The following C2orf66 variants were observed in gnomAD, a reference collection of about 807,000 sequenced individuals.
C2orf66 encodes uncharacterized protein C2orf66.
C2orf66 carries 6 observed loss-of-function variants against 7.0 expected under a neutral mutation model. That is an observed-to-expected ratio of 0.86 (90% CI 0.47 to 1.69). C2orf66 has a LOEUF of 1.69. C2orf66 is among the 40% of genes most tolerant of loss of function. The pLI is 0.01. For missense variants in C2orf66, 107 were observed against 112.0 expected (o/e 0.96, Z 0.20); for synonymous variants, 38 against 43.8 (o/e 0.87, Z 0.52).
the C2orf66 span, among the ~76,000 whole-genome samples, chr2:196,819,785 AC>A: frequency 6.6e-6 from 1 of 152,224 alleles, no homozygotes; most frequent in Non-Finnish European, 1.5e-5. Context: ...TTAGATTCTT[AC>A]GATATTTCAG....
the C2orf66 span, among the ~76,000 whole-genome samples, chr2:196,820,601 T>C: frequency 3.9e-5 from 6 of 152,310 alleles, no homozygotes; most frequent in South Asian, 2.1e-4. Context: ...AATTTATACA[T>C]TGGAAGTGGA....
upstream of C2orf66, among the ~76,000 whole-genome samples, chr2:196,812,120 T>C (rs1457347379): frequency 1.3e-5 from 2 of 152,178 alleles, no homozygotes; most frequent in Non-Finnish European, 2.9e-5. Context: ...AAAAGTGTTG[T>C]AGTTGTTAAA....
At chr2:196,821,417 T>C in the C2orf66 span, among the ~76,000 whole-genome samples, 3 of 152,248 alleles carry the variant, frequency 2.0e-5, no homozygotes, top group Non-Finnish European at 2.9e-5. Flanking sequence ...TCACCACAAC[T>C]GCTTTAGGTT....
At chr2:196,821,928 CTTTTTTTTT>C in the C2orf66 span, among the ~76,000 whole-genome samples, 11 of 32,252 alleles carry the variant, frequency 3.4e-4, no homozygotes, top group East Asian at 1.1e-3. Context: ...AACCAGTGAG[CTTTTTTTTT>C]TTTTTTTTTT....
chr2:196,822,897 G>C, the C2orf66 span, among the ~76,000 whole-genome samples: 3 of 151,902 alleles, frequency 2.0e-5, no homozygotes, highest in African/African-American at 7.3e-5. Context: ...TTTTTTGTAT[G>C]TAGCTGTTAT....
chr2:196,812,393 T>G (rs140450997), upstream of C2orf66, among the ~76,000 whole-genome samples: 1,728 of 152,250 alleles, frequency 0.011, 16 homozygotes, highest in Non-Finnish European at 0.014. Flanking sequence ...ACCTTCATGC[T>G]AAAAACTTTC....
the C2orf66 span, among the ~76,000 whole-genome samples, chr2:196,825,388 T>C: frequency 1.3e-5 from 2 of 152,148 alleles, no homozygotes; most frequent in Admixed American, 1.3e-4. Context: ...AGAATGACTA[T>C]AGTTAATAAT....
chr2:196,812,690 T>C (rs1006425205), upstream of C2orf66, among the ~76,000 whole-genome samples: 2 of 152,200 alleles, frequency 1.3e-5, no homozygotes. Flanking sequence ...AACCCCATTG[T>C]CTCAGCCCAA....
chr2:196,827,437 A>G, the C2orf66 span, among the ~76,000 whole-genome samples: 1 of 152,006 alleles, frequency 6.6e-6, no homozygotes, highest in African/African-American at 2.4e-5. Flanking sequence ...TTTCTCCAGT[A>G]GGTCAAAATC....
chr2:196,820,907 A>C, the C2orf66 span, among the ~76,000 whole-genome samples: 1 of 152,200 alleles, frequency 6.6e-6, no homozygotes, highest in Non-Finnish European at 1.5e-5. Context: ...TAATGCTTGT[A>C]AATGTTACCT....
the C2orf66 span, among the ~76,000 whole-genome samples, chr2:196,826,413 T>C: frequency 6.6e-6 from 1 of 152,056 alleles, no homozygotes; most frequent in Non-Finnish European, 1.5e-5. Flanking sequence ...ACAATAAGAG[T>C]TTGCAATCAA....
chr2:196,815,760 A>G, the C2orf66 span, among the ~76,000 whole-genome samples: 1 of 152,206 alleles, frequency 6.6e-6, no homozygotes. Flanking sequence ...GTAGGGAGGA[A>G]TTTTTAAACC....
At chr2:196,807,695 C>G in intron 1 of C2orf66, 73 bp from the exon 2 acceptor site, 1 of 1,246,070 alleles carries the variant, frequency 8.0e-7, no homozygotes, top group Non-Finnish European at 1.1e-6. Flanking sequence ...TTTCTTCCCT[C>G]TATTTTTCCC....
chr2:196,824,384 G>C, the C2orf66 span, among the ~76,000 whole-genome samples: 1 of 152,128 alleles, frequency 6.6e-6, no homozygotes, highest in African/African-American at 2.4e-5. Flanking sequence ...TGAAAAGGAA[G>C]TGTACAAACC....
chr2:196,807,944 A>G (rs753171655), intron 1 of C2orf66, among the ~76,000 whole-genome samples: 3 of 152,264 alleles, frequency 2.0e-5, no homozygotes, highest in East Asian at 1.9e-4. Flanking sequence ...AATGAACTCC[A>G]TAATAAGCAG....
the C2orf66 span, among the ~76,000 whole-genome samples, chr2:196,824,209 T>C: frequency 6.6e-6 from 1 of 152,206 alleles, no homozygotes; most frequent in Non-Finnish European, 1.5e-5. Flanking sequence ...ACTTAATTTC[T>C]CTGAGCCTAC....
chr2:196,818,369 C>T, the C2orf66 span, among the ~76,000 whole-genome samples: 14 of 152,356 alleles, frequency 9.2e-5, no homozygotes, highest in African/African-American at 3.4e-4. Context: ...GCTGACCTCA[C>T]AGCTGCTGCT....
the C2orf66 span, among the ~76,000 whole-genome samples, chr2:196,814,660 T>C: frequency 1.3e-5 from 2 of 152,086 alleles, no homozygotes; most frequent in African/African-American, 4.8e-5. Context: ...CACCCTCACA[T>C]TCCCAGTGCC....
chr2:196,822,713 G>T, the C2orf66 span, among the ~76,000 whole-genome samples: 1 of 151,936 alleles, frequency 6.6e-6, no homozygotes, highest in Non-Finnish European at 1.5e-5. Flanking sequence ...TACTGATTCT[G>T]TGAAAATACC....
Sources: allele counts gnomAD v4.1 joint callset (sites outside exome capture counted in the v4.1 genomes callset), GRCh38; gene constraint gnomAD v4.1.1; transcripts MANE v1.5; gene names NCBI Gene and HGNC (gene_info 2026-07-23, HGNC 2026-07-21).